The following FHOD3 variants were observed in gnomAD, a reference collection of about 807,000 sequenced individuals.
The protein encoded by FHOD3 is FH1/FH2 domain-containing protein 3.
FHOD3 carries 90 observed loss-of-function variants against 173.0 expected under a neutral mutation model. That is an observed-to-expected ratio of 0.52 (90% CI 0.44 to 0.62). The LOEUF (loss-of-function observed/expected upper bound fraction) is 0.62, where lower values mean the gene tolerates loss of function less well. Among genes scored for constraint, FHOD3 ranks in the 20% least tolerant of loss-of-function variants. FHOD3 has a pLI of 0.00. For synonymous variants in FHOD3, 828 were observed against 823.0 expected (o/e 1.01, Z -0.10); for missense variants, 1,945 against 2,034.7 (o/e 0.96, Z 0.85).
Position 36,372,756 on chromosome 18 carries a change from C to T in FHOD3, c.337+12C>T. ...CCATGCCTGCATCGGTGAGTGACACCTGCCCTCAGGAACTAAACATATGAT... is the reference window on the plus strand; with the variant it reads ...CCATGCCTGCATCGGTGAGTGACACTTGCCCTCAGGAACTAAACATATGAT... On this transcript the variant is annotated intron_variant, in intron 3 of 28. Transcript: ENST00000590592. 4 of 1,612,086 alleles carry T rather than the reference C, an allele frequency of 2.5e-6. No homozygotes were observed. In the South Asian group the frequency reaches 3.3e-5, roughly 13 times the overall value.
At chr18:36,384,195 A>G (rs2047917290) in intron 3 of FHOD3, among the ~76,000 whole-genome samples, 1 of 152,114 alleles carries the variant, frequency 6.6e-6, no homozygotes, top group African/African-American at 2.4e-5. Flanking sequence ...CCTGGCTAAC[A>G]TGGTGAAAAC....
At chr18:36,710,752 T>A (rs2040128620) in intron 18 of FHOD3, 1 of 152,256 alleles carries the variant, frequency 6.6e-6, no homozygotes, top group Non-Finnish European at 1.5e-5. Context: ...TTAATTTCTT[T>A]CAAAGTCAGA....
chr18:36,687,000 A>T (rs539798942), intron 15 of FHOD3, 128 bp from the exon 16 acceptor site: 2 of 629,254 alleles, frequency 3.2e-6, no homozygotes, highest in Non-Finnish European at 5.4e-6. Flanking sequence ...TTCAGCTACA[A>T]CCATTTTACA....
intron 4 of FHOD3, among the ~76,000 whole-genome samples, chr18:36,506,474 A>C (rs1056161622): frequency 2.6e-5 from 4 of 152,192 alleles, no homozygotes; most frequent in African/African-American, 9.7e-5. Flanking sequence ...CTGTATGTCA[A>C]GTGAGAAGAA....
At chr18:36,352,678 G>T (rs1402805908) in intron 1 of FHOD3, among the ~76,000 whole-genome samples, 1 of 152,174 alleles carries the variant, frequency 6.6e-6, no homozygotes, top group Admixed American at 6.5e-5. Flanking sequence ...CCTTATCCCA[G>T]TGCTTCTCTC....
At chr18:36,730,341 A>G (rs1470187457) in intron 19 of FHOD3, among the ~76,000 whole-genome samples, 1 of 152,158 alleles carries the variant, frequency 6.6e-6, no homozygotes, top group Non-Finnish European at 1.5e-5. Flanking sequence ...TTTTGTTTTC[A>G]CTGCTTCTAT....
intron 18 of FHOD3, chr18:36,710,968 G>A (rs2040140330): frequency 1.3e-5 from 2 of 152,272 alleles, no homozygotes; most frequent in African/African-American, 2.4e-5. Context: ...TATACCAGGC[G>A]ACAGGGCTTT....
At chr18:36,362,448 A>T (rs1255824300) in intron 2 of FHOD3, among the ~76,000 whole-genome samples, 7 of 152,208 alleles carry the variant, frequency 4.6e-5, no homozygotes, top group Admixed American at 4.6e-4. Flanking sequence ...AATTTTGAAA[A>T]GGGGAGGAGG....
At chr18:36,380,151 T>C (rs369386738) in intron 3 of FHOD3, among the ~76,000 whole-genome samples, 1 of 152,218 alleles carries the variant, frequency 6.6e-6, no homozygotes, top group South Asian at 2.1e-4. Context: ...AAGAAAGGCA[T>C]TGGAGAATTG....
intron 20 of FHOD3, among the ~76,000 whole-genome samples, chr18:36,736,843 G>A (rs2150001308): frequency 6.6e-6 from 1 of 152,304 alleles, no homozygotes; most frequent in Non-Finnish European, 1.5e-5. Context: ...TGGGGCCTTT[G>A]CCAGGCACCC....
chr18:36,534,599 C>T (rs974770986), intron 5 of FHOD3, among the ~76,000 whole-genome samples: 6 of 152,094 alleles, frequency 3.9e-5, no homozygotes, highest in Admixed American at 1.3e-4. Context: ...TTCCACCTCC[C>T]GGGCTCAAGC....
intron 20 of FHOD3, among the ~76,000 whole-genome samples, chr18:36,733,579 T>C (rs1377457514): frequency 6.6e-6 from 1 of 152,150 alleles, no homozygotes; most frequent in African/African-American, 2.4e-5. Context: ...TCTCCCCAGG[T>C]GGGGAAAGTT....
At chr18:36,302,677 T>C (rs2091985922) in intron 1 of FHOD3, among the ~76,000 whole-genome samples, 1 of 152,240 alleles carries the variant, frequency 6.6e-6, no homozygotes, top group Non-Finnish European at 1.5e-5. Flanking sequence ...ACTGGTATTA[T>C]TGCACTAATG....
At chr18:36,433,186 C>T (rs921385842) in intron 3 of FHOD3, among the ~76,000 whole-genome samples, 1 of 152,178 alleles carries the variant, frequency 6.6e-6, no homozygotes, top group Non-Finnish European at 1.5e-5. Context: ...ATAGTTTAAC[C>T]TAGTCACAAT....
chr18:36,766,269 T>C (rs2043134322), intron 27 of FHOD3, among the ~76,000 whole-genome samples: 1 of 152,230 alleles, frequency 6.6e-6, no homozygotes. Context: ...ATTAAAACAG[T>C]AGAATATCCA....
At chr18:36,438,583 ATG>A (rs1269889864) in intron 3 of FHOD3, among the ~76,000 whole-genome samples, 2 of 152,076 alleles carry the variant, frequency 1.3e-5, no homozygotes, top group African/African-American at 2.4e-5. Flanking sequence ...GACCACTGTT[ATG>A]TGTGTCTGTT....
chr18:36,402,864 T>C (rs903354259), intron 3 of FHOD3, among the ~76,000 whole-genome samples: 1 of 152,254 alleles, frequency 6.6e-6, no homozygotes, highest in Non-Finnish European at 1.5e-5. Flanking sequence ...ACCAAAGGTT[T>C]ACACATAGCA....
intron 17 of FHOD3, among the ~76,000 whole-genome samples, chr18:36,701,038 T>C (rs2039558681): frequency 6.6e-6 from 1 of 152,268 alleles, no homozygotes; most frequent in African/African-American, 2.4e-5. Flanking sequence ...AGCATCTACG[T>C]GTGCCTCGGG....
intron 13 of FHOD3, 126 bp downstream of exon 13, chr18:36,653,542 C>T (rs2036209647): frequency 1.4e-6 from 1 of 696,084 alleles, no homozygotes; most frequent in Non-Finnish European, 2.4e-6. Flanking sequence ...GTTTGAACCA[C>T]TTCATAGGTA....
Sources: allele counts gnomAD v4.1 joint callset (sites outside exome capture counted in the v4.1 genomes callset), GRCh38; gene constraint gnomAD v4.1.1; transcripts MANE v1.5; gene names NCBI Gene and HGNC (gene_info 2026-07-23, HGNC 2026-07-21).